CCDC150: variants seen among roughly 807,000 people sequenced by gnomAD.
CCDC150 encodes coiled-coil domain-containing protein 150.
A neutral mutation model predicts 156.5 loss-of-function variants in CCDC150; 151 were observed. The observed-to-expected ratio is 0.97, with a 90% CI of 0.85 to 1.10. The LOEUF (loss-of-function observed/expected upper bound fraction) is 1.10. Among genes scored for constraint, CCDC150 ranks in the 50% least tolerant of loss-of-function variants. The pLI is 0.00. For missense variants in CCDC150, 1,312 were observed against 1,268.1 expected (o/e 1.03, Z -0.53); for synonymous variants, 452 against 429.4 (o/e 1.05, Z -0.65).
At chr2:196,712,509 T>C (rs946027590) in intron 16 of CCDC150, 168 bp from the exon 17 acceptor site, 12 of 608,984 alleles carry the variant, frequency 2.0e-5, no homozygotes, top group African/African-American at 5.6e-5. Flanking sequence ...CCATAAACTT[T>C]ATTAGAGAAT....
chr2:196,725,167 G>A (rs1698140237), intron 21 of CCDC150, among the ~76,000 whole-genome samples: 1 of 152,150 alleles, frequency 6.6e-6, no homozygotes, highest in Admixed American at 6.5e-5. Flanking sequence ...GGAAAATGAA[G>A]GTGATTTCAT....
intron 13 of CCDC150, among the ~76,000 whole-genome samples, chr2:196,684,596 T>A (rs796298803): frequency 2.6e-4 from 39 of 152,232 alleles, no homozygotes; most frequent in African/African-American, 9.4e-4. Flanking sequence ...GTCTTCTGTT[T>A]CCGCATTAAT....
At chr2:196,675,525 A>G (rs926234402) in intron 10 of CCDC150, among the ~76,000 whole-genome samples, 1 of 152,204 alleles carries the variant, frequency 6.6e-6, no homozygotes, top group Non-Finnish European at 1.5e-5. Flanking sequence ...CAAAAACTTT[A>G]TGGATTATGT....
At chr2:196,675,283 CTAGA>C (rs1408364518) in intron 10 of CCDC150, among the ~76,000 whole-genome samples, 2 of 152,036 alleles carry the variant, frequency 1.3e-5, no homozygotes, top group Non-Finnish European at 2.9e-5. Context: ...AATGCTATAT[CTAGA>C]TAGGATTATA....
At position 196,665,582 on chromosome 2, in the gene CCDC150, G is replaced by A; in HGVS notation, c.661G>A (p.Ala221Thr). Residue 221 changes from alanine (A) to threonine (T), a missense_variant, in exon 6 of 28, where the codon GCT becomes ACT. Coordinates refer to ENST00000389175, the MANE Select transcript of CCDC150 (RefSeq NM_001080539.2). The part of the protein sequence containing the change: ...LKIQELRRQL[A>T]QEKYLRESLE... ...TGCTTTGTAGCTAAGGAGACAACTGGCTCAGGAGAAGTACCTTAGGGAATC... is the reference window on the plus strand; with the variant it reads ...TGCTTTGTAGCTAAGGAGACAACTGACTCAGGAGAAGTACCTTAGGGAATC... The A allele has an allele frequency of 6.2e-7, 1 of 1,600,268 alleles. No individual in the cohort carries two copies.
chr2:196,695,094 A>T lies in CCDC150; in HGVS notation c.1558A>T (p.Asn520Tyr). Reference sequence around the variant, plus strand: ...TAACCTGCAGACTCTTGAAGAAGAGAATAAGCACCTGGCAGATCAAATGGC... The same window carrying T: ...TAACCTGCAGACTCTTGAAGAAGAGTATAAGCACCTGGCAGATCAAATGGC... Reference protein sequence around the residue: ...THNLQTLEEENKHLADQMASL... With the variant: ...THNLQTLEEEYKHLADQMASL... Residue 520 changes from asparagine to tyrosine, a missense_variant, in exon 14 of 28, where the codon AAT becomes TAT. Coordinates refer to ENST00000389175, the MANE Select transcript of CCDC150 (RefSeq NM_001080539.2). The T allele has an allele frequency of 2.5e-6, 4 of 1,612,976 alleles. No homozygotes were observed. The highest frequency in any genetic ancestry group is 3.4e-6 in the Non-Finnish European group (4 of 1,179,162).
At chr2:196,731,870 C>T (rs968148756) in intron 26 of CCDC150, among the ~76,000 whole-genome samples, 163 bp from the exon 27 acceptor site, 2 of 152,138 alleles carry the variant, frequency 1.3e-5, no homozygotes, top group Non-Finnish European at 2.9e-5. Flanking sequence ...AGAAATTACT[C>T]GCATGTATAG....
At chr2:196,640,971 G>C (rs1425105052) in intron 1 of CCDC150, among the ~76,000 whole-genome samples, 1 of 82,670 alleles carries the variant, frequency 1.2e-5, no homozygotes, top group Middle Eastern at 4.4e-3. Flanking sequence ...TGTGTATTCT[G>C]TTTTTTGTTT....
intron 13 of CCDC150, among the ~76,000 whole-genome samples, chr2:196,689,836 G>A (rs1695342053): frequency 6.6e-6 from 1 of 152,128 alleles, no homozygotes; most frequent in South Asian, 2.1e-4. Context: ...TTTTCAAAGG[G>A]AATGCTTTCA....
At chr2:196,709,345 C>T (rs1347003255) in intron 15 of CCDC150, among the ~76,000 whole-genome samples, 2 of 152,170 alleles carry the variant, frequency 1.3e-5, no homozygotes, top group Non-Finnish European at 2.9e-5. Context: ...CCATGGTTTT[C>T]AGCTCCATCA....
At chr2:196,721,411 T>C in intron 20 of CCDC150, 111 bp from the exon 21 acceptor site, 1 of 727,766 alleles carries the variant, frequency 1.4e-6, no homozygotes, top group Non-Finnish European at 1.9e-6. Flanking sequence ...TCCAACTAAT[T>C]ATTGTTTCAA....
In CCDC150 at chr2:196,732,032, G is replaced by T; in HGVS notation, c.3070-1G>T. 1 of 1,613,516 alleles carries T rather than the reference G, an allele frequency of 6.2e-7. No individual in the cohort carries two copies. The highest frequency in any genetic ancestry group is 8.5e-7 in the Non-Finnish European group (1 of 1,179,606). On this transcript the variant is annotated splice_acceptor_variant, in intron 26 of 27. Coordinates refer to ENST00000389175, the MANE Select transcript of CCDC150 (RefSeq NM_001080539.2). LOFTEE classifies it high-confidence loss of function. ...TTTAATGGTGATATTTATATGTTCAGATAACAGCTAATCTGGAAGAAGCTC... is the reference window on the plus strand; with the variant it reads ...TTTAATGGTGATATTTATATGTTCATATAACAGCTAATCTGGAAGAAGCTC...
rs1479132841 is a variant in CCDC150 at position 196,721,505 on chromosome 2, A to G, written c.2260-17A>G. The stretch of plus-strand genomic sequence containing the variant: ...TGTCCATTACAGTGGAATTGAAAAC[A>G]TGCTTCTCTCTTTCAGATTGAATCT... On this transcript the variant is annotated splice_polypyrimidine_tract_variant and intron_variant, in intron 20 of 27. Coordinates refer to ENST00000389175, the MANE Select transcript of CCDC150 (RefSeq NM_001080539.2). 3 of 1,582,620 alleles carry G rather than the reference A, an allele frequency of 1.9e-6. No individual in the cohort carries two copies. Among genetic ancestry groups the G allele is most frequent in the Non-Finnish European group, 2.6e-6 (3 of 1,166,260 alleles).
chr2:196,698,624 T>C (rs1695973283), intron 14 of CCDC150, among the ~76,000 whole-genome samples: 1 of 152,248 alleles, frequency 6.6e-6, no homozygotes, highest in South Asian at 2.1e-4. Context: ...TTATATGTTC[T>C]TACCTATGCT....
chr2:196,689,267 T>C (rs1474869268), intron 13 of CCDC150, among the ~76,000 whole-genome samples: 2 of 152,198 alleles, frequency 1.3e-5, no homozygotes. Flanking sequence ...AGTAGTTTTT[T>C]CCAATTCTGT....
chr2:196,664,209 A>G (rs912304464), intron 5 of CCDC150, among the ~76,000 whole-genome samples: 2 of 152,126 alleles, frequency 1.3e-5, no homozygotes, highest in Non-Finnish European at 2.9e-5. Context: ...CTGTAATTCA[A>G]TTCAGTCCTG....
intron 22 of CCDC150, chr2:196,726,960 G>A (rs2125715531): frequency 1.3e-5 from 2 of 152,352 alleles, no homozygotes; most frequent in Middle Eastern, 6.8e-3. Context: ...TGTAACAGCA[G>A]AGGACAGTAG....
At chr2:196,719,198 G>A (rs114613921) in intron 18 of CCDC150, 2,135 of 211,876 alleles carry the variant, frequency 0.01, 43 homozygotes, top group African/African-American at 0.043. Context: ...CCAGCCTGGC[G>A]CCACCTCTGG....
rs775787943 is a variant in CCDC150, at chr2:196,720,644, C to A, written c.2235C>A (p.Val745=). ...EVDQWQARML[V]MEDQHNSEIE... is the part of the protein sequence containing the mutation. The stretch of plus-strand genomic sequence containing the variant: ...ACCAGTGGCAGGCCAGGATGCTTGT[C>A]ATGGAGGACCAGCACAACAGTGAGG... Residue 745 remains valine, a synonymous_variant, in exon 20 of 28, where the codon GTC becomes GTA. Coordinates refer to ENST00000389175, the MANE Select transcript of CCDC150 (RefSeq NM_001080539.2). 6.2e-7 allele frequency: 1 copy of A among 1,613,802 alleles called. No homozygotes were observed. Among genetic ancestry groups the A allele is most frequent in the Middle Eastern group, 1.6e-4 (1 of 6,062 alleles).
Sources: allele counts gnomAD v4.1 joint callset (sites outside exome capture counted in the v4.1 genomes callset), GRCh38; gene constraint gnomAD v4.1.1; transcripts MANE v1.5; gene names NCBI Gene and HGNC (gene_info 2026-07-23, HGNC 2026-07-21).